INPP4A: variants seen among roughly 807,000 people sequenced by gnomAD.
INPP4A encodes inositol polyphosphate-4-phosphatase, type I, 107kD.
INPP4A carries 33 observed loss-of-function variants against 119.8 expected under a neutral mutation model. That is an observed-to-expected ratio of 0.28 (90% CI 0.21 to 0.37). INPP4A has a LOEUF of 0.37. INPP4A is among the 10% of genes least tolerant of loss of function. The pLI, the probability that INPP4A is intolerant of heterozygous loss-of-function variation, is 1.00. For missense variants in INPP4A, 956 were observed against 1,289.9 expected (o/e 0.74, Z 3.97); for synonymous variants, 496 against 500.7 (o/e 0.99, Z 0.12).
intron 1 of INPP4A, among the ~76,000 whole-genome samples, chr2:98,462,566 A>G (rs1011057448): frequency 6.6e-6 from 1 of 151,844 alleles, no homozygotes; most frequent in African/African-American, 2.4e-5. Context: ...CACTCTGTCA[A>G]CCAGACTGGA....
intron 4 of INPP4A, among the ~76,000 whole-genome samples, chr2:98,531,210 G>A (rs1329882506): frequency 6.6e-6 from 1 of 151,982 alleles, no homozygotes; most frequent in Non-Finnish European, 1.5e-5. Flanking sequence ...GAAACTTTAG[G>A]GGGACACAAA....
At chr2:98,501,214 GGCTGAGGCAGGAGAATC>G (rs751980683) in intron 1 of INPP4A, among the ~76,000 whole-genome samples, 9 of 152,316 alleles carry the variant, frequency 5.9e-5, no homozygotes, top group Non-Finnish European at 8.8e-5. Flanking sequence ...CTGCTCGGGA[GGCTGAGGCAGGAGAATC>G]GCTGAGGCAG....
rs1700500503 is a variant in INPP4A, at chr2:98,593,848, C to G, written c.*6240C>G. ...TGGACCTCTCCTGAGCATCCTCACC[C>G]CTCCTGCAAGGCTAGTCTCAGGTCT... On this transcript the variant is annotated 3_prime_UTR_variant, in exon 25 of 25. Coordinates refer to ENST00000409851, the MANE Select transcript of INPP4A (RefSeq NM_001134225.2). 6.6e-6 allele frequency: 1 copy of G among 152,254 alleles called. No homozygotes were observed. The highest frequency in any genetic ancestry group is 1.5e-5 in the Non-Finnish European group (1 of 68,082). The allele number at this position is 152,254 out of a possible 1,614,324, so 9.4% of individuals were successfully genotyped here.
intron 3 of INPP4A, 84 bp from the exon 4 acceptor site, chr2:98,520,603 A>T (rs1291804329): frequency 1.0e-5 from 8 of 797,108 alleles, no homozygotes; most frequent in African/African-American, 8.9e-5. Context: ...GTTGGGGGGA[A>T]GTAGAGGGTC....
At chr2:98,520,569 T>G (rs995841219) in intron 3 of INPP4A, 118 bp from the exon 4 acceptor site, 1 of 699,238 alleles carries the variant, frequency 1.4e-6, no homozygotes, top group African/African-American at 1.8e-5. Context: ...AAAGAAATTG[T>G]CTTGCATGGC....
intron 9 of INPP4A, 70 bp from the exon 10 acceptor site, chr2:98,539,458 G>C: frequency 6.6e-7 from 1 of 1,524,176 alleles, no homozygotes; most frequent in Non-Finnish European, 8.9e-7. Flanking sequence ...AGGGCCGGGG[G>C]AGGAGAACCC....
intron 1 of INPP4A, among the ~76,000 whole-genome samples, chr2:98,510,319 G>T (rs978336038): frequency 6.6e-6 from 1 of 152,192 alleles, no homozygotes; most frequent in African/African-American, 2.4e-5. Flanking sequence ...ACCTTGAGGG[G>T]CTGGTGAGGT....
rs1700396855 is a variant in INPP4A, at chr2:98,591,374, T to A, written c.*3766T>A. 1 of 152,726 alleles carries A rather than the reference T, an allele frequency of 6.5e-6. No homozygotes were observed. The highest frequency in any genetic ancestry group is 2.4e-5 in the African/African-American group (1 of 41,446). The allele number at this position is 152,726 out of a possible 1,614,324, so 9.5% of individuals were successfully genotyped here. The stretch of plus-strand genomic sequence containing the variant: ...TTTTTTCAGCATTTACCTGTTCTTA[T>A]TTCTAGGATGTTTATGGTTTCAGTC... On this transcript the variant is annotated 3_prime_UTR_variant, in exon 25 of 25. Coordinates refer to ENST00000409851, the MANE Select transcript of INPP4A (RefSeq NM_001134225.2).
intron 23 of INPP4A, among the ~76,000 whole-genome samples, chr2:98,573,493 C>T (rs1360477671): frequency 6.6e-6 from 1 of 152,212 alleles, no homozygotes; most frequent in Admixed American, 6.5e-5. Context: ...CTGCCCAGCG[C>T]TGGGACTCGG....
At position 98,483,082 on chromosome 2, in the gene INPP4A, T is replaced by C. The variant is rs7605114; in HGVS notation, c.-165-35882T>C. Among the ~76,000 whole-genome samples, 795 of 152,306 alleles carry C rather than the reference T, an allele frequency of 5.2e-3. 12 individuals carry two copies. Among genetic ancestry groups the C allele is most frequent in the African/African-American group, 0.018 (739 of 41,558 alleles). On this transcript the variant is annotated intron_variant, in intron 1 of 24. Transcript: ENST00000409851. ...GATACTCAACCTGTGCTAATAATGA[T>C]TTTGGCATGTACTCTATAATAATAA...
intron 1 of INPP4A, among the ~76,000 whole-genome samples, chr2:98,492,057 T>G (rs947577880): frequency 6.6e-6 from 1 of 152,100 alleles, no homozygotes; most frequent in African/African-American, 2.4e-5. Flanking sequence ...GCCCAGCTAA[T>G]TTTTGTATTT....
At chr2:98,517,021 T>C (rs969513777) in intron 1 of INPP4A, among the ~76,000 whole-genome samples, 2 of 152,102 alleles carry the variant, frequency 1.3e-5, no homozygotes, top group African/African-American at 4.8e-5. Flanking sequence ...GCTCAGTGAA[T>C]TTCACACAGT....
intron 1 of INPP4A, among the ~76,000 whole-genome samples, chr2:98,508,467 G>C (rs1684504002): frequency 6.6e-6 from 1 of 152,158 alleles, no homozygotes; most frequent in South Asian, 2.1e-4. Flanking sequence ...CCCCCTTATT[G>C]TGGACCCACA....
chr2:98,551,221 G>A (rs1242746720), intron 13 of INPP4A, among the ~76,000 whole-genome samples: 1 of 152,196 alleles, frequency 6.6e-6, no homozygotes, highest in African/African-American at 2.4e-5. Context: ...CTACCAAAGT[G>A]CTAGGATTAT....
intron 1 of INPP4A, among the ~76,000 whole-genome samples, chr2:98,511,737 A>G (rs1351842244): frequency 6.6e-6 from 1 of 152,188 alleles, no homozygotes; most frequent in Non-Finnish European, 1.5e-5. Flanking sequence ...AAACTGATGC[A>G]CAGAGATGGG....
In INPP4A at chr2:98,583,487, T is replaced by C. The variant is rs150457167; in HGVS notation, c.2787-3989T>C. On this transcript the variant is annotated intron_variant, in intron 24 of 24. Coordinates refer to ENST00000409851, the MANE Select transcript of INPP4A (RefSeq NM_001134225.2). ...AACACCCATGTAGGGCAGAGGGTAA[T>C]TGTCCACCTGTAAAAGTAACCAAAT... Among the ~76,000 whole-genome samples, 820 of 152,272 alleles carry C rather than the reference T, an allele frequency of 5.4e-3. 5 individuals carry two copies. The highest frequency in any genetic ancestry group is 0.016 in the South Asian group (79 of 4,820).
chr2:98,480,593 T>G (rs1678209206), intron 1 of INPP4A, among the ~76,000 whole-genome samples: 1 of 152,190 alleles, frequency 6.6e-6, no homozygotes, highest in African/African-American at 2.4e-5. Context: ...CTCCTATGGG[T>G]GTCTGTCCTC....
intron 1 of INPP4A, among the ~76,000 whole-genome samples, chr2:98,497,202 C>T (rs1198665851): frequency 6.6e-6 from 1 of 152,226 alleles, no homozygotes; most frequent in Non-Finnish European, 1.5e-5. Flanking sequence ...TGCCAGTGTA[C>T]AGAAGTCAAG....
chr2:98,496,476 G>T (rs1681978228), intron 1 of INPP4A, among the ~76,000 whole-genome samples: 2 of 152,102 alleles, frequency 1.3e-5, no homozygotes, highest in Admixed American at 1.3e-4. Flanking sequence ...AAGGCTTTTT[G>T]AATAAGATCT....
Sources: allele counts gnomAD v4.1 joint callset (sites outside exome capture counted in the v4.1 genomes callset), GRCh38; gene constraint gnomAD v4.1.1; transcripts MANE v1.5; gene names NCBI Gene and HGNC (gene_info 2026-07-23, HGNC 2026-07-21).